Variants in RNASET2 observed in about 807,000 individuals in gnomAD.
RNASET2 encodes the protein ribonuclease T2.
RNASET2 carries 28 observed loss-of-function variants against 33.9 expected under a neutral mutation model. That is an observed-to-expected ratio of 0.83 (90% CI 0.61 to 1.13). RNASET2 has a LOEUF of 1.13. RNASET2 is among the 50% of genes most tolerant of loss of function. The probability of loss-of-function intolerance (pLI) is 0.00; values close to 1 mark genes in which losing one functional copy is unlikely to be tolerated. For synonymous variants in RNASET2, 123 were observed against 121.0 expected, an observed-to-expected ratio of 1.02 and a Z score of -0.11; for missense variants, 330 against 319.9, an observed-to-expected ratio of 1.03 and a Z score of -0.24.
At chr6:166,944,329 C>G (rs995824563) in intron 4 of RNASET2, among the ~76,000 whole-genome samples, 1 of 152,070 alleles carries the variant, frequency 6.6e-6, no homozygotes, top group Non-Finnish European at 1.5e-5. Context: ...TAACAAACTT[C>G]GGATAACTTC....
Position 166,956,266 on chromosome 6 carries a change from A to G in RNASET2, c.-84T>C, listed in dbSNP as rs1779164672. ...GCTGCCCGAGGAAGACTTCCGGGAG[A>G]AACGCTGTCTCCGAGCCCCCGCGCC... On this transcript the variant is annotated 5_prime_UTR_variant, in exon 1 of 9. Coordinates refer to ENST00000508775, the MANE Select transcript of RNASET2 (RefSeq NM_003730.6). 7.7e-7 allele frequency: 1 copy of G among 1,303,760 alleles called. No individual in the cohort carries two copies. The highest frequency in any genetic ancestry group is 2.0e-5 in the Admixed American group (1 of 50,576). 80.8% of individuals were successfully genotyped at this position (1,303,760 alleles called of 1,614,324 possible).
chr6:166,935,840 A>G (rs1778553533), intron 6 of RNASET2, among the ~76,000 whole-genome samples: 1 of 151,956 alleles, frequency 6.6e-6, no homozygotes, highest in African/African-American at 2.4e-5. Context: ...TGCCCAGCTA[A>G]TTTTTGTATT....
At chr6:166,945,937 C>T (rs1000454654) in intron 4 of RNASET2, among the ~76,000 whole-genome samples, 1 of 152,070 alleles carries the variant, frequency 6.6e-6, no homozygotes, top group Non-Finnish European at 1.5e-5. Flanking sequence ...ACAACTCCCG[C>T]AAGCCTTCAA....
intron 6 of RNASET2, chr6:166,934,350 CAG>C (rs2128644599): frequency 1.8e-6 from 1 of 569,638 alleles, no homozygotes; most frequent in African/African-American, 1.9e-5. Context: ...CAAACTGCTC[CAG>C]GCAGGTACCC....
intron 1 of RNASET2, among the ~76,000 whole-genome samples, chr6:166,955,295 GA>G (rs1562507184): frequency 0.058 from 2,909 of 50,338 alleles, 39 homozygotes; most frequent in Middle Eastern, 0.12. Flanking sequence ...CACACGCACA[GA>G]CGCGCACACA....
chr6:166,946,548 G>T, intron 4 of RNASET2, 134 bp downstream of exon 4: 1 of 688,754 alleles, frequency 1.5e-6, no homozygotes, highest in Non-Finnish European at 2.6e-6. Flanking sequence ...TACTAAAACA[G>T]CAGCAAGGGC....
intron 1 of RNASET2, chr6:166,955,809 C>G (rs1268044834): frequency 1.0e-6 from 1 of 971,572 alleles, no homozygotes; most frequent in Non-Finnish European, 1.2e-6. Context: ...CAGAGGTCAC[C>G]CCGGGGCGTG....
intron 6 of RNASET2, among the ~76,000 whole-genome samples, chr6:166,937,874 C>T (rs1481407235): frequency 1.3e-5 from 2 of 152,192 alleles, no homozygotes; most frequent in African/African-American, 4.8e-5. Context: ...TGCCAAGCCC[C>T]TCTTCTATCA....
In RNASET2 at chr6:166,927,003, T is replaced by G. The variant is rs543424127; in HGVS notation, c.*2585A>C. ...CCAGCTCTGATCCCAGAGCCTGGCC[T>G]GCTCCTCCTTCCACACATACGAGCC... is the stretch of plus-strand genomic sequence containing the variant. On this transcript the variant is annotated 3_prime_UTR_variant, in exon 9 of 9. Coordinates refer to ENST00000508775, the MANE Select transcript of RNASET2 (RefSeq NM_003730.6). Among the ~76,000 whole-genome samples, 11 of 152,344 alleles carry G rather than the reference T, an allele frequency of 7.2e-5. No homozygotes were observed. The highest frequency in any genetic ancestry group is 2.6e-4 in the African/African-American group (11 of 41,588).
intron 1 of RNASET2, among the ~76,000 whole-genome samples, chr6:166,955,221 G>GCACACGCA (rs1160982253): frequency 1.1e-5 from 1 of 94,012 alleles, no homozygotes; most frequent in African/African-American, 4.8e-5. Context: ...ACGCACACAC[G>GCACACGCA]CGCACACACG....
At chr6:166,954,163 G>C (rs917498822) in intron 1 of RNASET2, among the ~76,000 whole-genome samples, 52 of 152,108 alleles carry the variant, frequency 3.4e-4, no homozygotes, top group African/African-American at 1.2e-3. Context: ...TAATGGAGAA[G>C]CTAAAGAAAG....
At chr6:166,937,071 CTTTCTT>C (rs1778587051) in intron 6 of RNASET2, among the ~76,000 whole-genome samples, 1 of 152,166 alleles carries the variant, frequency 6.6e-6, no homozygotes. Flanking sequence ...CAATGTCAGA[CTTTCTT>C]TTTAACTGCA....
intron 1 of RNASET2, 82 bp from the exon 2 acceptor site, chr6:166,952,630 A>T: frequency 9.5e-7 from 1 of 1,052,084 alleles, no homozygotes; most frequent in Non-Finnish European, 1.5e-6. Flanking sequence ...CATCCCTTCA[A>T]TCATTCATTC....
intron 2 of RNASET2, among the ~76,000 whole-genome samples, chr6:166,951,960 A>G (rs1437443608): frequency 6.6e-6 from 1 of 152,142 alleles, no homozygotes; most frequent in Non-Finnish European, 1.5e-5. Flanking sequence ...ACATGACCCT[A>G]CATGGACACA....
rs1234628067 is a variant in RNASET2, at chr6:166,934,130, A to C, written c.453T>G (p.Leu151=). The change falls in exon 7 of 9, where the codon CTT becomes CTG. Residue 151 remains leucine, a synonymous_variant. Transcript: ENST00000508775. ...LYRELDLNSV[L]LKLGIKPSIN... ...TGGATGGTTTTATCCCCAATTTTAG[A>C]AGCACACTAAAATTTAAATTTAAAA... 6.3e-7 allele frequency: 1 copy of C among 1,597,540 alleles called. No homozygotes were observed. The highest frequency in any genetic ancestry group is 8.6e-7 in the Non-Finnish European group (1 of 1,165,316).
chr6:166,954,788 C>T (rs562558024), intron 1 of RNASET2, among the ~76,000 whole-genome samples: 3 of 152,182 alleles, frequency 2.0e-5, no homozygotes, highest in Admixed American at 6.5e-5. Context: ...CCGAGGCGGG[C>T]GGATCACCTG....
chr6:166,956,460 G>T lies in RNASET2; in HGVS notation c.-278C>A. 1 of 495,622 alleles carries T rather than the reference G, an allele frequency of 2.0e-6. No individual in the cohort carries two copies. The highest frequency in any genetic ancestry group is 3.6e-6 in the Non-Finnish European group (1 of 276,696). 30.7% of individuals were successfully genotyped at this position (495,622 alleles called of 1,614,324 possible). ...TCAGGATCGTGCACCAAGCGCGCAC[G>T]TCCCGGGCTCTGCTTCGCGACCCAC... is the stretch of plus-strand genomic sequence containing the variant. On this transcript the variant is annotated 5_prime_UTR_variant, in exon 1 of 9. Transcript: ENST00000508775.
chr6:166,939,524 C>T (rs1400260703), intron 5 of RNASET2, among the ~76,000 whole-genome samples: 1 of 152,230 alleles, frequency 6.6e-6, no homozygotes, highest in East Asian at 1.9e-4. Flanking sequence ...TCTACAATTA[C>T]AGCTTGCTCA....
At chr6:166,946,266 C>T (rs1778839968) in intron 4 of RNASET2, among the ~76,000 whole-genome samples, 8 of 152,274 alleles carry the variant, frequency 5.3e-5, no homozygotes. Flanking sequence ...GCTCTCTGAG[C>T]CTCAGCTGTC....
Sources: gnomAD v4.1 joint callset for allele counts (sites outside exome capture counted in the v4.1 genomes callset) on GRCh38, gnomAD v4.1.1 for gene constraint, MANE v1.5 for transcripts, NCBI Gene and HGNC (gene_info 2026-07-23, HGNC 2026-07-21) for gene names.